The following SIK3 variants were observed in gnomAD, a reference collection of about 807,000 sequenced individuals.
The protein encoded by SIK3 is SIK family kinase 3.
In SIK3, 28 loss-of-function variants were observed where a neutral mutation model predicts 144.2. The ratio of observed to expected loss-of-function variants is 0.19; its 90% CI spans 0.14 to 0.27. SIK3 has a LOEUF of 0.27. SIK3 is among the 10% of genes least tolerant of loss of function. The pLI is 1.00. For synonymous variants in SIK3, 686 were observed against 676.3 expected (o/e 1.01, Z -0.22); for missense variants, 1,319 against 1,776.0 (o/e 0.74, Z 4.62).
intron 1 of SIK3, among the ~76,000 whole-genome samples, chr11:117,007,266 T>C (rs1951082681): frequency 6.6e-6 from 1 of 152,148 alleles, no homozygotes; most frequent in Non-Finnish European, 1.5e-5. Flanking sequence ...TAATCCCAGC[T>C]ACTTGGGAGG....
chr11:117,032,222 T>TA (rs1301071807), intron 1 of SIK3, among the ~76,000 whole-genome samples: 1 of 152,214 alleles, frequency 6.6e-6, no homozygotes, highest in Non-Finnish European at 1.5e-5. Flanking sequence ...GGGCTTTTGA[T>TA]AAAAATTGCA....
At chr11:116,962,649 A>G (rs2135424994) in intron 1 of SIK3, among the ~76,000 whole-genome samples, 1 of 152,288 alleles carries the variant, frequency 6.6e-6, no homozygotes, top group East Asian at 1.9e-4. Flanking sequence ...TTCTCGGCTC[A>G]GCTCTACAAC....
At chr11:116,928,045 A>C (rs1319173507) in intron 3 of SIK3, among the ~76,000 whole-genome samples, 3 of 152,360 alleles carry the variant, frequency 2.0e-5, no homozygotes, top group African/African-American at 7.2e-5. Context: ...ACATCAATCA[A>C]AAACCAAGTG....
At chr11:116,862,369 C>G (rs754636196) in intron 16 of SIK3, 42 bp from the exon 17 acceptor site, 1 of 1,612,594 alleles carries the variant, frequency 6.2e-7, no homozygotes, top group South Asian at 1.1e-5. Context: ...GCAGCCAGAC[C>G]CGCCTCATGC....
rs183628648 is a variant in SIK3 at position 116,943,459 on chromosome 11, C to A, written c.454+10585G>T. Reference sequence around the variant, plus strand: ...TCTTGAGGTAAAAAGGGACAATATTCCACCAGGGATTAGGAATTAATGTAA... The same window carrying A: ...TCTTGAGGTAAAAAGGGACAATATTACACCAGGGATTAGGAATTAATGTAA... On this transcript the variant is annotated intron_variant, in intron 3 of 24. Transcript: ENST00000445177. Among the ~76,000 whole-genome samples the A allele has an allele frequency of 2.0e-3, 300 of 152,254 alleles. 3 individuals carry two copies. The highest frequency in any genetic ancestry group is 6.7e-3 in the African/African-American group (279 of 41,532).
chr11:116,862,383 G>C lies in SIK3; in HGVS notation c.2104-56C>G. On this transcript the variant is annotated intron_variant, in intron 16 of 24. Transcript: ENST00000445177. ...TGCAGCCAGACCCGCCTCATGCAGTGATTTCAGCAGATGCAGATCTGCCTC... is the reference window on the plus strand; with the variant it reads ...TGCAGCCAGACCCGCCTCATGCAGTCATTTCAGCAGATGCAGATCTGCCTC... 1.9e-6 allele frequency: 3 copies of C among 1,608,510 alleles called. No individual in the cohort carries two copies. The East Asian group carries it at 6.7e-5, about 36-fold the overall frequency.
At chr11:116,881,127 AAAAATAAATAAAT>A (rs1370538061) in intron 6 of SIK3, among the ~76,000 whole-genome samples, 2 of 152,050 alleles carry the variant, frequency 1.3e-5, no homozygotes, top group African/African-American at 2.4e-5. Context: ...CCGTCTCTAA[AAAAATAAATAAAT>A]AAAATAAATA....
chr11:116,899,498 T>C (rs1275703899), intron 4 of SIK3, among the ~76,000 whole-genome samples: 1 of 152,202 alleles, frequency 6.6e-6, no homozygotes, highest in African/African-American at 2.4e-5. Context: ...ATTTAAAAAT[T>C]AGACAAAGTG....
intron 4 of SIK3, among the ~76,000 whole-genome samples, chr11:116,900,415 T>C (rs1945670823): frequency 6.6e-6 from 1 of 152,184 alleles, no homozygotes; most frequent in African/African-American, 2.4e-5. Context: ...CCTATTTCAT[T>C]TTCCCCTAAG....
rs570733454 is a variant in SIK3 at position 117,018,308 on chromosome 11, T to C, written c.274-61244A>G. On this transcript the variant is annotated intron_variant, in intron 1 of 24. Transcript: ENST00000445177. ...GCAGATACCACTGTTTTGATCAGCATTGGGATGAAAACAAATCCACATATA... is the reference window on the plus strand; with the variant it reads ...GCAGATACCACTGTTTTGATCAGCACTGGGATGAAAACAAATCCACATATA... 4.6e-5 allele frequency among the ~76,000 whole-genome samples: 7 copies of C among 152,232 alleles called. No individual in the cohort carries two copies. The South Asian group carries it at 1.4e-3, about 32-fold the overall frequency.
At chr11:116,917,831 G>GAAAGGAAAGGAAAGT (rs1946741876) in intron 4 of SIK3, among the ~76,000 whole-genome samples, 2 of 146,236 alleles carry the variant, frequency 1.4e-5, no homozygotes, top group Non-Finnish European at 3.0e-5. Flanking sequence ...AAGAAGGAAG[G>GAAAGGAAAGGAAAGT]AAAGGAAAGG....
chr11:116,855,924 G>A lies in SIK3; in HGVS notation c.3655+1886C>T, dbSNP rs181873174. 5.3e-3 allele frequency among the ~76,000 whole-genome samples: 803 copies of A among 152,328 alleles called. 13 individuals are homozygous for A. Among genetic ancestry groups the A allele is most frequent in the Non-Finnish European group, 4.9e-3 (334 of 68,022 alleles). On this transcript the variant is annotated intron_variant, in intron 21 of 24. Transcript: ENST00000445177. ...CTGGCACATGTGAGCTCAGCCGGGC[G>A]CGGTGGCTCATGCCTGTAATCCCAG...
In SIK3 at chr11:116,875,880, G is replaced by A; in HGVS notation, c.1225C>T (p.Pro409Ser). Residue 409 changes from proline (P) to serine (S), a missense_variant, in exon 9 of 25, where the codon CCA (proline) becomes TCA (serine). Physicochemically the swap from Pro to Ser is moderately conservative, Grantham distance 74. Transcript: ENST00000445177. ...TTATTGCCCACCTGGATATTGACTG[G>A]TGCTTGAAAGGCCAGGGCTCGGGGC... Reference protein sequence around the residue: ...SMPRALAFQAPVNIQAEQAGT... With the variant: ...SMPRALAFQASVNIQAEQAGT... 6.2e-7 allele frequency: 1 copy of A among 1,605,356 alleles called. No homozygotes were observed.
intron 1 of SIK3, among the ~76,000 whole-genome samples, chr11:117,057,877 G>T (rs1953611670): frequency 1.3e-5 from 2 of 152,130 alleles, no homozygotes; most frequent in African/African-American, 2.4e-5. Context: ...CTTCCTATGT[G>T]TAAGTGCTAA....
chr11:117,059,368 T>C (rs980390279), intron 1 of SIK3, among the ~76,000 whole-genome samples: 2 of 152,226 alleles, frequency 1.3e-5, no homozygotes, highest in African/African-American at 4.8e-5. Flanking sequence ...TTTTTAATTA[T>C]ATGGAATAAA....
intron 1 of SIK3, among the ~76,000 whole-genome samples, chr11:116,965,316 T>C (rs1012638006): frequency 5.9e-5 from 9 of 152,144 alleles, no homozygotes; most frequent in African/African-American, 2.2e-4. Context: ...GCCAACAATG[T>C]TTTATAGTTA....
intron 21 of SIK3, among the ~76,000 whole-genome samples, chr11:116,851,776 A>G (rs1942469451): frequency 6.6e-6 from 1 of 152,240 alleles, no homozygotes; most frequent in African/African-American, 2.4e-5. Flanking sequence ...AATTCCTCTC[A>G]GTGGGCACTG....
At chr11:116,910,074 T>C (rs1591298326) in intron 4 of SIK3, among the ~76,000 whole-genome samples, 1 of 152,176 alleles carries the variant, frequency 6.6e-6, no homozygotes, top group Non-Finnish European at 1.5e-5. Context: ...ATATGCTTAT[T>C]AGTCACATGA....
chr11:117,023,605 C>CA (rs1306485013), intron 1 of SIK3, among the ~76,000 whole-genome samples: 25 of 64,088 alleles, frequency 3.9e-4, no homozygotes, highest in East Asian at 1.3e-3. Flanking sequence ...AACAAACAAA[C>CA]AAACAAAAAA....
Sources: allele counts gnomAD v4.1 joint callset (sites outside exome capture counted in the v4.1 genomes callset), GRCh38; gene constraint gnomAD v4.1.1; transcripts MANE v1.5; gene names NCBI Gene and HGNC (gene_info 2026-07-23, HGNC 2026-07-21).